The following METTL16 variants were observed in gnomAD, a reference collection of about 807,000 sequenced individuals.
METTL16 encodes the protein methyltransferase 16, RNA N6-adenosine.
In METTL16, 19 loss-of-function variants were observed where a neutral mutation model predicts 57.9. The ratio of observed to expected loss-of-function variants is 0.33; its 90% confidence interval spans 0.23 to 0.48. The LOEUF (loss-of-function observed/expected upper bound fraction) is 0.48, where lower values mean the gene tolerates loss of function less well. Ranked by LOEUF, METTL16 falls within the 20% of genes least tolerant of loss-of-function variation. METTL16 has a pLI of 0.99. For synonymous variants in METTL16, 246 were observed against 255.6 expected (o/e 0.96, Z 0.36); for missense variants, 434 against 691.5 (o/e 0.63, Z 4.18).
At chr17:2,461,927 T>C (rs1433525510) in intron 6 of METTL16, among the ~76,000 whole-genome samples, 1 of 152,072 alleles carries the variant, frequency 6.6e-6, no homozygotes, top group African/African-American at 2.4e-5. Flanking sequence ...CTATACTACA[T>C]AGACAGAAAA....
At chr17:2,440,212 G>A (rs1040899012) in intron 7 of METTL16, among the ~76,000 whole-genome samples, 3 of 151,984 alleles carry the variant, frequency 2.0e-5, no homozygotes, top group Admixed American at 6.6e-5. Context: ...AACTATGACT[G>A]TGCAACCACA....
chr17:2,454,513 G>A (rs1359892622), intron 6 of METTL16, among the ~76,000 whole-genome samples: 1 of 149,978 alleles, frequency 6.7e-6, no homozygotes, highest in African/African-American at 2.5e-5. Context: ...TCTTATAAGT[G>A]ATTTTAATTA....
At chr17:2,429,664 CA>C (rs1472828525) in intron 8 of METTL16, among the ~76,000 whole-genome samples, 5 of 152,006 alleles carry the variant, frequency 3.3e-5, no homozygotes, top group African/African-American at 1.2e-4. Flanking sequence ...CAATGATCAT[CA>C]ATGACTGCTC....
At chr17:2,511,360 C>T (rs2151584091) in intron 1 of METTL16, among the ~76,000 whole-genome samples, 1 of 152,210 alleles carries the variant, frequency 6.6e-6, no homozygotes, top group Non-Finnish European at 1.5e-5. Flanking sequence ...ATTCTTTCTG[C>T]ACAGATCCCT....
chr17:2,451,051 CAT>C (rs1217513418), intron 6 of METTL16, among the ~76,000 whole-genome samples: 1 of 152,050 alleles, frequency 6.6e-6, no homozygotes, highest in Non-Finnish European at 1.5e-5. Context: ...CATTAAATAA[CAT>C]AAATGAAAAA....
intron 4 of METTL16, among the ~76,000 whole-genome samples, chr17:2,473,194 C>T (rs2067245876): frequency 1.3e-5 from 2 of 152,070 alleles, no homozygotes; most frequent in Admixed American, 6.6e-5. Context: ...AAAACCCCCA[C>T]TTAAAGTCTC....
intron 4 of METTL16, among the ~76,000 whole-genome samples, chr17:2,471,867 G>A (rs1159931830): frequency 6.6e-6 from 1 of 152,002 alleles, no homozygotes; most frequent in Non-Finnish European, 1.5e-5. Context: ...TCATTCCAAC[G>A]TTCTAGGAGG....
intron 8 of METTL16, among the ~76,000 whole-genome samples, chr17:2,431,448 T>C (rs767272840): frequency 2.6e-5 from 4 of 152,226 alleles, no homozygotes; most frequent in Admixed American, 6.5e-5. Flanking sequence ...TGTACAATGT[T>C]TGTGATACGT....
intron 2 of METTL16, among the ~76,000 whole-genome samples, chr17:2,498,403 T>A (rs1567906692): frequency 6.6e-6 from 1 of 150,580 alleles, no homozygotes; most frequent in East Asian, 2.0e-4. Context: ...AGAGCAAGAC[T>A]CTGTCTCCAA....
intron 4 of METTL16, among the ~76,000 whole-genome samples, 162 bp from the exon 5 acceptor site, chr17:2,468,038 C>A (rs192570058): frequency 6.6e-6 from 1 of 152,278 alleles, no homozygotes; most frequent in East Asian, 1.9e-4. Flanking sequence ...GTTTGATATG[C>A]TTAGATAGAC....
intron 2 of METTL16, among the ~76,000 whole-genome samples, chr17:2,492,313 A>T (rs1050292512): frequency 6.6e-6 from 1 of 152,200 alleles, no homozygotes; most frequent in East Asian, 1.9e-4. Context: ...TCCCTATGGA[A>T]CTGATTATTG....
chr17:2,482,362 T>C (rs752117607), intron 2 of METTL16, among the ~76,000 whole-genome samples: 5 of 152,206 alleles, frequency 3.3e-5, no homozygotes, highest in Non-Finnish European at 7.3e-5. Context: ...AACTGAGGAC[T>C]TACTGTATAG....
chr17:2,443,341 C>G (rs2066967680), intron 6 of METTL16, among the ~76,000 whole-genome samples: 4 of 152,016 alleles, frequency 2.6e-5, no homozygotes, highest in Admixed American at 2.6e-4. Context: ...CTTTCCAGAC[C>G]CAAGTCACTT....
chr17:2,455,165 T>G (rs2067100934), intron 6 of METTL16: 1 of 170,848 alleles, frequency 5.9e-6, no homozygotes, highest in African/African-American at 2.4e-5. Flanking sequence ...CTTGGCTCAC[T>G]GCAACCTCCG....
In METTL16 at chr17:2,473,549, C is replaced by T; in HGVS notation, c.444G>A (p.Gln148=). ...CFNYAKKNVE[Q]NNLSDLIKVV... ...CTTTTATGAGATCAGATAAGTTATT[C>T]TGTTCCACATTTTTCTTTGCATAGT... The change falls in exon 4 of 10, where the codon CAG becomes CAA. Residue 148 remains glutamine, a synonymous_variant. Transcript: ENST00000263092. 1 of 1,613,826 alleles carries T rather than the reference C, an allele frequency of 6.2e-7. No homozygotes were observed. Among genetic ancestry groups the T allele is most frequent in the African/African-American group, 1.3e-5 (1 of 75,048 alleles).
chr17:2,467,702 A>G (rs2067210928), intron 5 of METTL16, 59 bp downstream of exon 5: 4 of 1,319,718 alleles, frequency 3.0e-6, no homozygotes, highest in Admixed American at 1.7e-5. Flanking sequence ...CAGGGATTAC[A>G]GGCGTGAGCC....
intron 8 of METTL16, among the ~76,000 whole-genome samples, chr17:2,423,337 A>G (rs2066782728): frequency 6.7e-6 from 1 of 150,264 alleles, no homozygotes; most frequent in African/African-American, 2.4e-5. Context: ...TGAATAGTGG[A>G]CTCTAAGACC....
rs144654386 is a variant in METTL16 at position 2,510,336 on chromosome 17, C to T, written c.-1+1423G>A. Among the ~76,000 whole-genome samples, 205 of 152,262 alleles carry T rather than the reference C, an allele frequency of 1.3e-3. 5 individuals carry two copies. The East Asian group carries it at 0.033, about 24-fold the overall frequency. ...CCTCTCCTAGCTATTTTGAAATATA[C>T]ATTGTTGCTGACTTTAGTCACCATA... On this transcript the variant is annotated intron_variant, in intron 1 of 9. Coordinates refer to ENST00000263092, the MANE Select transcript of METTL16 (RefSeq NM_024086.4).
intron 8 of METTL16, among the ~76,000 whole-genome samples, chr17:2,422,814 T>G (rs1277419525): frequency 2.0e-5 from 3 of 147,130 alleles, no homozygotes; most frequent in Non-Finnish European, 4.5e-5. Context: ...TGAAACCCCA[T>G]CTCTAGTAAA....
Sources: allele counts gnomAD v4.1 joint callset (sites outside exome capture counted in the v4.1 genomes callset), GRCh38; gene constraint gnomAD v4.1.1; transcripts MANE v1.5; gene names NCBI Gene and HGNC (gene_info 2026-07-23, HGNC 2026-07-21).